SETSIP: variants seen among roughly 807,000 people sequenced by gnomAD.
SETSIP encodes protein SETSIP.
Under a neutral mutation model 21.9 loss-of-function variants are expected in SETSIP, and 15 were observed. That is an observed-to-expected ratio of 0.69 (90% CI 0.46 to 1.06). The LOEUF (loss-of-function observed/expected upper bound fraction) is 1.06, where lower values mean the gene tolerates loss of function less well. Among genes scored for constraint, SETSIP ranks in the 50% least tolerant of loss-of-function variants. SETSIP has a pLI of 0.00. For synonymous variants in SETSIP, 101 were observed against 121.2 expected (o/e 0.83, Z 1.09); for missense variants, 310 against 337.4 (o/e 0.92, Z 0.64).
exon 1 of SETSIP, chr1:92,074,730 T>C: frequency 4.4e-6 from 7 of 1,607,190 alleles, no homozygotes; most frequent in Non-Finnish European, 8.5e-7. Context: ...TGTAATGGGT[T>C]TGGCCAAATA....
exon 1 of SETSIP, chr1:92,075,197 T>C: frequency 6.2e-7 from 1 of 1,611,882 alleles, no homozygotes; most frequent in African/African-American, 1.3e-5. Flanking sequence ...TTTGTTATAT[T>C]TCTGTTCTAC....
At chr1:92,074,781 C>T (rs558111829) in exon 1 of SETSIP, 37 of 1,610,954 alleles carry the variant, frequency 2.3e-5, no homozygotes, top group Admixed American at 1.0e-4. Flanking sequence ...GCACCTGCAT[C>T]AGAATGATCA....
chr1:92,075,003 T>C, exon 1 of SETSIP: 1 of 1,611,636 alleles, frequency 6.2e-7, no homozygotes, highest in Admixed American at 1.7e-5. Flanking sequence ...TAAAAATCTA[T>C]TCTGTAACCT....
At chr1:92,075,410 A>G in exon 1 of SETSIP, 2 of 1,576,982 alleles carry the variant, frequency 1.3e-6, no homozygotes, top group African/African-American at 1.4e-5. Flanking sequence ...TTTAGGGGCC[A>G]TGCTGTTAGG....
chr1:92,074,787 G>T, exon 1 of SETSIP: 1 of 1,611,008 alleles, frequency 6.2e-7, no homozygotes, highest in Non-Finnish European at 8.5e-7. Flanking sequence ...GCATCAGAAT[G>T]ATCAGTAAAC....
chr1:92,074,563 T>G, exon 1 of SETSIP: 1 of 1,574,642 alleles, frequency 6.4e-7, no homozygotes. Context: ...CCTCCTCTCC[T>G]TCCTCCCCTT....
chr1:92,075,282 C>T (rs1355464960), exon 1 of SETSIP: 2 of 1,611,946 alleles, frequency 1.2e-6, no homozygotes, highest in Non-Finnish European at 1.7e-6. Context: ...TGTTCAATTG[C>T]TTCTTGCTGT....
exon 1 of SETSIP, chr1:92,075,097 C>T: frequency 1.2e-6 from 2 of 1,611,864 alleles, no homozygotes; most frequent in Non-Finnish European, 1.7e-6. Flanking sequence ...GCAGTGAAGA[C>T]ACTTGTGGAT....
chr1:92,075,387 G>A, exon 1 of SETSIP: 1 of 1,598,186 alleles, frequency 6.3e-7, no homozygotes, highest in African/African-American at 1.3e-5. Flanking sequence ...TGAAGTGGGA[G>A]TGGAGACTGG....
exon 1 of SETSIP, chr1:92,074,597 C>T: frequency 6.4e-7 from 1 of 1,565,572 alleles, no homozygotes; most frequent in Non-Finnish European, 8.6e-7. Context: ...ATCTTCTTCA[C>T]CTTCATCCTC....
At chr1:92,074,843 G>A in exon 1 of SETSIP, 2 of 1,611,408 alleles carry the variant, frequency 1.2e-6, no homozygotes, top group Admixed American at 3.3e-5. Context: ...CTTCCTGCTG[G>A]CTTTATTCTG....
At chr1:92,074,967 T>G in exon 1 of SETSIP, 1 of 1,611,542 alleles carries the variant, frequency 6.2e-7, no homozygotes, top group African/African-American at 1.3e-5. Context: ...AAAACTTTAT[T>G]TTCAAAGTAA....
chr1:92,075,176 G>A (rs1220512098), exon 1 of SETSIP: 4 of 1,611,636 alleles, frequency 2.5e-6, no homozygotes, highest in Non-Finnish European at 2.5e-6. Context: ...CTGAAAAAAT[G>A]GTTGGCGGAG....
At chr1:92,075,020 A>T (rs1240447413) in exon 1 of SETSIP, 2 of 1,611,738 alleles carry the variant, frequency 1.2e-6, no homozygotes, top group African/African-American at 2.7e-5. Context: ...ACCTGATTTA[A>T]TATCTTCAAA....
exon 1 of SETSIP, chr1:92,075,355 A>T: frequency 1.2e-6 from 2 of 1,610,280 alleles, no homozygotes; most frequent in East Asian, 4.5e-5. Flanking sequence ...CCAGAGCAGG[A>T]GGTGGTCTTG....
exon 1 of SETSIP, chr1:92,074,994 A>G: frequency 1.9e-6 from 3 of 1,611,452 alleles, no homozygotes; most frequent in Middle Eastern, 2.3e-4. Flanking sequence ...TCATCAAAAT[A>G]AAAATCTATT....
chr1:92,074,914 T>A, exon 1 of SETSIP: 1 of 1,611,820 alleles, frequency 6.2e-7, no homozygotes, highest in Non-Finnish European at 8.5e-7. Flanking sequence ...TGGTGGACTT[T>A]GAAGATGGAT....
At chr1:92,075,162 T>G in exon 1 of SETSIP, 1 of 1,611,870 alleles carries the variant, frequency 6.2e-7, no homozygotes, top group Non-Finnish European at 8.5e-7. Context: ...AATTCTGACC[T>G]CTTCTGAAAA....
exon 1 of SETSIP, chr1:92,075,398 C>T (rs1314646276): frequency 5.7e-6 from 9 of 1,587,502 alleles, no homozygotes; most frequent in Admixed American, 3.6e-5. Context: ...TGGAGACTGG[C>T]GTTTAGGGGC....
Sources: allele counts gnomAD v4.1 joint callset, GRCh38; gene constraint gnomAD v4.1.1; transcripts MANE v1.5; gene names NCBI Gene and HGNC (gene_info 2026-07-23, HGNC 2026-07-21).